Variants in HSPG2 observed in about 807,000 individuals in gnomAD.
The protein encoded by HSPG2 is heparan sulfate proteoglycan 2.
HSPG2 carries 278 observed loss-of-function variants against 526.6 expected under a neutral mutation model. The observed-to-expected ratio is 0.53, with a 90% CI of 0.48 to 0.58. The LOEUF is 0.58. Ranked by LOEUF, HSPG2 falls within the 20% of genes least tolerant of loss-of-function variation. The probability of loss-of-function intolerance (pLI) is 0.00; values close to 1 mark genes in which losing one functional copy is unlikely to be tolerated. For missense variants in HSPG2, 5,354 were observed against 6,099.5 expected, an observed-to-expected ratio of 0.88 and a Z score of 4.07; for synonymous variants, 2,465 against 2,555.4, an observed-to-expected ratio of 0.96 and a Z score of 1.07.
intron 28 of HSPG2, 52 bp from the exon 29 acceptor site, chr1:21,874,063 C>G (rs749424589): frequency 5.9e-5 from 86 of 1,455,006 alleles, no homozygotes; most frequent in Non-Finnish European, 7.0e-5. Context: ...CCTTCCTCTC[C>G]CCCGATCCTC....
chr1:21,900,355 C>T (rs905414907), intron 1 of HSPG2, among the ~76,000 whole-genome samples: 5 of 152,194 alleles, frequency 3.3e-5, no homozygotes, highest in African/African-American at 7.2e-5. Flanking sequence ...GGGTGACCCC[C>T]AGTGGGCAGG....
intron 48 of HSPG2, 36 bp downstream of exon 48, chr1:21,854,812 G>T: frequency 2.5e-6 from 4 of 1,612,862 alleles, no homozygotes; most frequent in Non-Finnish European, 3.4e-6. Flanking sequence ...GCCCTGGCTT[G>T]CCCTCCCCAC....
intron 13 of HSPG2, among the ~76,000 whole-genome samples, 166 bp downstream of exon 13, chr1:21,884,362 G>C (rs541641970): frequency 6.6e-6 from 1 of 152,194 alleles, no homozygotes; most frequent in East Asian, 1.9e-4. Context: ...TAAACATCTT[G>C]GTTTTCCCCC....
rs1639509572 is a variant in HSPG2 at position 21,858,367 on chromosome 1, T to G, written c.5294-982A>C. Among the ~76,000 whole-genome samples the G allele has an allele frequency of 6.6e-6, 1 of 152,188 alleles. No individual in the cohort carries two copies. Among genetic ancestry groups the G allele is most frequent in the African/African-American group, 2.4e-5 (1 of 41,446 alleles). On this transcript the variant is annotated intron_variant, in intron 42 of 96. Transcript: ENST00000374695. This position sits in a 1 kb window ranked among gnomAD's most constrained non-coding sequence, Gnocchi z 4.2. ...GCTCTTCCTGCCCTTCCTCTTCCAT[T>G]TGACATGTTCACACTGGAGCTCCTC...
At position 21,824,733 on chromosome 1, in the gene HSPG2, G is replaced by A. The variant is rs142729334; in HGVS notation, c.12636C>T (p.Leu4212=). 321 of 1,613,688 alleles carry A rather than the reference G, an allele frequency of 2.0e-4. 1 individual carries two copies. In the African/African-American group the frequency reaches 3.7e-3, roughly 19 times the overall value. Residue 4212 remains leucine, a synonymous_variant, in exon 92 of 97, where the codon CTC becomes CTT. Transcript: ENST00000374695. The surrounding 1 kb of genome is among the most constrained non-coding windows in gnomAD (Gnocchi z 5.9). The part of the protein sequence containing the change: ...YGAYFHDDGF[L]AFPGHVFSRS... The stretch of plus-strand genomic sequence containing the variant: ...TGGAGAAGACATGGCCAGGGAAGGC[G>A]AGGAAGCCATCATCGTGGAAATAGG...
chr1:21,862,519 G>T (rs1054678906), intron 37 of HSPG2, among the ~76,000 whole-genome samples: 1 of 145,946 alleles, frequency 6.9e-6, no homozygotes, highest in African/African-American at 2.5e-5. Flanking sequence ...AGGAGGTGGA[G>T]GTTGGAGTGA....
chr1:21,822,509 T>C lies in HSPG2; in HGVS notation c.*807A>G, dbSNP rs1452444170. On this transcript the variant is annotated 3_prime_UTR_variant, in exon 97 of 97. Transcript: ENST00000374695. ...CGGCATCCGTCCGTCCGTTGTCTGT[T>C]GGAGGAGTCCCTGGGCCTTCACTTC... 2.5e-5 allele frequency: 8 copies of C among 320,208 alleles called. No homozygotes were observed. The highest frequency in any genetic ancestry group is 5.7e-5 in the South Asian group (2 of 35,162). The allele number at this position is 320,208 out of a possible 1,614,324, so 19.8% of individuals were successfully genotyped here.
At chr1:21,932,499 G>A (rs1399851650) in intron 1 of HSPG2, among the ~76,000 whole-genome samples, 1 of 152,202 alleles carries the variant, frequency 6.6e-6, no homozygotes, top group East Asian at 1.9e-4. Flanking sequence ...TAAGCATACA[G>A]CAGTGAACAA....
At chr1:21,911,753 G>A (rs1172154223) in intron 1 of HSPG2, among the ~76,000 whole-genome samples, 1 of 152,134 alleles carries the variant, frequency 6.6e-6, no homozygotes, top group East Asian at 1.9e-4. Context: ...GGCCCTTCAG[G>A]AAACGTCCCT....
intron 21 of HSPG2, among the ~76,000 whole-genome samples, chr1:21,876,875 A>G (rs554157752): frequency 1.3e-5 from 2 of 152,312 alleles, no homozygotes; most frequent in South Asian, 4.1e-4. Context: ...CCTGGCCAAC[A>G]TGGCAAAACC....
Position 21,829,992 on chromosome 1 carries a change from C to T in HSPG2, c.11770+1G>A. The T allele has an allele frequency of 6.2e-7, 1 of 1,605,732 alleles. No homozygotes were observed. The highest frequency in any genetic ancestry group is 8.5e-7 in the Non-Finnish European group (1 of 1,176,784). The stretch of plus-strand genomic sequence containing the variant: ...GGGGTCTCAGGCCTGGCTCCCCTCA[C>T]CTTCCTCACACCGCAACCCCGAGCG... On this transcript the variant is annotated splice_donor_variant, in intron 86 of 96. Transcript: ENST00000374695. LOFTEE classifies it high-confidence loss of function.
chr1:21,902,059 C>A (rs898316500), intron 1 of HSPG2, among the ~76,000 whole-genome samples: 3 of 152,208 alleles, frequency 2.0e-5, no homozygotes, highest in Non-Finnish European at 4.4e-5. Flanking sequence ...CCTGCCCCAC[C>A]CCCAGGCCAC....
rs769063177 is a variant in HSPG2 at position 21,842,128 on chromosome 1, C to A, written c.9067G>T (p.Val3023Phe). Residue 3023 changes from valine (V) to phenylalanine (F), a missense_variant, in exon 69 of 97, where the codon GTC becomes TTC. Coordinates refer to ENST00000374695, the MANE Select transcript of HSPG2 (RefSeq NM_005529.7). ...EGSSYRLRSP[V>F]ISIDPPSSTV... ...CTGCTGGGCGGGTCGATGGAGATGA[C>A]CGGGCTCCTAAGGCCTGGGGCCAAA... The A allele has an allele frequency of 6.2e-7, 1 of 1,613,722 alleles. No individual in the cohort carries two copies. The highest frequency in any genetic ancestry group is 8.5e-7 in the Non-Finnish European group (1 of 1,180,012).
chr1:21,875,850 C>T lies in HSPG2; in HGVS notation c.3183+13G>A. The stretch of plus-strand genomic sequence containing the variant: ...TGCCCGCACCCCTACCCCCAGGGGA[C>T]AGTATTGCTCACCTCCCGGAAAGGC... On this transcript the variant is annotated intron_variant, in intron 24 of 96. Transcript: ENST00000374695. The T allele has an allele frequency of 6.2e-7, 1 of 1,613,648 alleles. No homozygotes were observed. Among genetic ancestry groups the T allele is most frequent in the Non-Finnish European group, 8.5e-7 (1 of 1,179,898 alleles).
Position 21,832,666 on chromosome 1 carries a change from C to A in HSPG2, c.11096-60G>T, listed in dbSNP as rs111818594. 33 of 1,343,486 alleles carry A rather than the reference C, an allele frequency of 2.5e-5. 1 individual carries two copies. The highest frequency in any genetic ancestry group is 1.7e-4 in the African/African-American group (12 of 69,730). The allele number at this position is 1,343,486 out of a possible 1,614,324, so 83.2% of individuals were successfully genotyped here. On this transcript the variant is annotated intron_variant, in intron 80 of 96. Coordinates refer to ENST00000374695, the MANE Select transcript of HSPG2 (RefSeq NM_005529.7). ...CAGCCACAGGCTCCCTGTCCTCCCC[C>A]ACCCTAGAAACCACCCAAGCTCTTG...
chr1:21,849,871 G>GA (rs1255881675), intron 57 of HSPG2, among the ~76,000 whole-genome samples, 170 bp downstream of exon 57: 2 of 152,180 alleles, frequency 1.3e-5, no homozygotes, highest in African/African-American at 4.8e-5. Context: ...GTAGAGATGG[G>GA]GTTTCATTAT....
intron 1 of HSPG2, among the ~76,000 whole-genome samples, chr1:21,915,915 G>A (rs528983887): frequency 7.2e-5 from 11 of 152,022 alleles, no homozygotes; most frequent in African/African-American, 2.4e-4. Context: ...GCTGGGCGTG[G>A]TGGTGTGTGC....
intron 1 of HSPG2, among the ~76,000 whole-genome samples, chr1:21,910,730 G>C (rs1395624722): frequency 1.3e-5 from 2 of 152,102 alleles, no homozygotes; most frequent in African/African-American, 4.8e-5. Flanking sequence ...GAACCACCCA[G>C]AATGCCAGGC....
At chr1:21,841,477 C>T in intron 70 of HSPG2, 62 bp downstream of exon 70, 1 of 1,608,096 alleles carries the variant, frequency 6.2e-7, no homozygotes, top group Non-Finnish European at 8.5e-7. Flanking sequence ...AACTTGGAGG[C>T]TCTGAGCTGA....
Sources: gnomAD v4.1 joint callset for allele counts (sites outside exome capture counted in the v4.1 genomes callset) on GRCh38, gnomAD v4.1.1 for gene constraint, Gnocchi (gnomAD v3.1) non-coding constraint, MANE v1.5 for transcripts, NCBI Gene and HGNC (gene_info 2026-07-23, HGNC 2026-07-21) for gene names.